Variants in ATP2B2 observed in about 807,000 individuals in gnomAD.
The protein encoded by ATP2B2 is plasma membrane calcium-transporting ATPase 2.
In ATP2B2, 15 loss-of-function variants were observed where a neutral mutation model predicts 120.0. That is an observed-to-expected ratio of 0.12 (90% CI 0.08 to 0.19). ATP2B2 has a LOEUF of 0.19. Ranked by LOEUF, ATP2B2 falls within the 10% of genes least tolerant of loss-of-function variation. The pLI is 1.00. For missense variants in ATP2B2, 1,045 were observed against 1,719.8 expected, an observed-to-expected ratio of 0.61 and a Z score of 6.94; for synonymous variants, 694 against 700.3, an observed-to-expected ratio of 0.99 and a Z score of 0.14.
At chr3:10,450,543 G>GGT (rs1559354165) in intron 1 of ATP2B2, among the ~76,000 whole-genome samples, 2 of 152,144 alleles carry the variant, frequency 1.3e-5, no homozygotes, top group Admixed American at 6.5e-5. Flanking sequence ...TGCACCCACA[G>GGT]GCCCCCACCA....
chr3:10,423,980 C>T (rs542807603), intron 2 of ATP2B2, among the ~76,000 whole-genome samples: 8 of 152,276 alleles, frequency 5.3e-5, no homozygotes, highest in African/African-American at 1.2e-4. Flanking sequence ...TGTTACCCCC[C>T]GCAGTGCATC....
intron 14 of ATP2B2, among the ~76,000 whole-genome samples, chr3:10,357,549 G>C (rs934323324): frequency 6.6e-6 from 1 of 152,208 alleles, no homozygotes; most frequent in African/African-American, 2.4e-5. Context: ...GAGGCTCAGA[G>C]AGGAGTAGCA....
chr3:10,332,113 C>T (rs1384130227), intron 22 of ATP2B2: 21 of 1,347,070 alleles, frequency 1.6e-5, no homozygotes, highest in Non-Finnish European at 1.8e-5. Context: ...GCCATTTTCT[C>T]GCCAACCCAA....
At chr3:10,585,986 G>C (rs2068502269) in intron 2 of ATP2B2, among the ~76,000 whole-genome samples, 1 of 152,176 alleles carries the variant, frequency 6.6e-6, no homozygotes, top group Admixed American at 6.5e-5. Context: ...GCAAATAGTA[G>C]GTTTTCAATA....
chr3:10,544,660 C>G (rs1397668203), intron 2 of ATP2B2, among the ~76,000 whole-genome samples: 1 of 152,210 alleles, frequency 6.6e-6, no homozygotes, highest in African/African-American at 2.4e-5. Context: ...ATGCTTCTGC[C>G]TCTTTGAAGG....
intron 2 of ATP2B2, among the ~76,000 whole-genome samples, chr3:10,576,041 C>A (rs1178266183): frequency 2.6e-5 from 4 of 152,202 alleles, no homozygotes; most frequent in African/African-American, 7.2e-5. Flanking sequence ...ACCGCAAATG[C>A]TGCTAACGTG....
intron 1 of ATP2B2, among the ~76,000 whole-genome samples, chr3:10,465,853 C>T (rs1431103429): frequency 6.6e-6 from 1 of 152,208 alleles, no homozygotes; most frequent in East Asian, 1.9e-4. Flanking sequence ...GTGGCTGACC[C>T]AGATCCTGAT....
chr3:10,634,561 C>A (rs2069966920), intron 1 of ATP2B2, among the ~76,000 whole-genome samples: 1 of 152,240 alleles, frequency 6.6e-6, no homozygotes, highest in Non-Finnish European at 1.5e-5. Context: ...TTCTCTGTGG[C>A]CTTGAGAAAA....
At chr3:10,376,848 A>G (rs1174535097) in intron 10 of ATP2B2, among the ~76,000 whole-genome samples, 2 of 270 alleles carry the variant, frequency 7.4e-3, no homozygotes, top group Non-Finnish European at 0.015. Flanking sequence ...AGGTTTGAGC[A>G]GAGGAGGGCA....
At chr3:10,443,548 AAGCTGCCG>A (rs2063738756) in intron 2 of ATP2B2, among the ~76,000 whole-genome samples, 1 of 143,782 alleles carries the variant, frequency 7.0e-6, no homozygotes, top group African/African-American at 3.0e-5. Flanking sequence ...TGTTAACCCG[AAGCTGCCG>A]GAGCCCCCAT....
At chr3:10,516,988 C>T (rs1374851213) in intron 3 of ATP2B2, among the ~76,000 whole-genome samples, 1 of 148,678 alleles carries the variant, frequency 6.7e-6, no homozygotes, top group African/African-American at 2.6e-5. Context: ...GTGTGTGTTT[C>T]TTAAAAAAAG....
chr3:10,510,984 G>T (rs942535421), intron 3 of ATP2B2, among the ~76,000 whole-genome samples: 32 of 152,066 alleles, frequency 2.1e-4, no homozygotes, highest in African/African-American at 7.2e-4. Context: ...CCCTTCTTTG[G>T]CTCCTTTGTG....
intron 18 of ATP2B2, among the ~76,000 whole-genome samples, chr3:10,344,455 C>T (rs749671589): frequency 6.6e-6 from 1 of 152,238 alleles, no homozygotes; most frequent in African/African-American, 2.4e-5. Context: ...ATTCCCCCAG[C>T]GCAGGAAGCA....
At chr3:10,630,947 G>A (rs532573733) in intron 1 of ATP2B2, among the ~76,000 whole-genome samples, 25 of 152,232 alleles carry the variant, frequency 1.6e-4, no homozygotes, top group African/African-American at 5.3e-4. Flanking sequence ...TACTTCCTCG[G>A]GTAGAGAAAG....
chr3:10,529,306 C>A, intron 3 of ATP2B2, among the ~76,000 whole-genome samples: 1 of 152,238 alleles, frequency 6.6e-6, no homozygotes, highest in East Asian at 1.9e-4. Context: ...CCCTATCCAA[C>A]AACAGCCAGT....
chr3:10,679,445 A>T (rs1401015864), intron 1 of ATP2B2, among the ~76,000 whole-genome samples: 2 of 152,286 alleles, frequency 1.3e-5, no homozygotes, highest in East Asian at 3.9e-4. Flanking sequence ...TTCAGTACGA[A>T]TGTTCTGATA....
At chr3:10,405,669 C>A (rs540961067) in intron 3 of ATP2B2, among the ~76,000 whole-genome samples, 3 of 152,132 alleles carry the variant, frequency 2.0e-5, no homozygotes, top group Non-Finnish European at 2.9e-5. Flanking sequence ...CCTGGACCTG[C>A]GGCTATAGAG....
intron 7 of ATP2B2, among the ~76,000 whole-genome samples, chr3:10,386,148 G>T (rs1026550670): frequency 6.6e-6 from 1 of 152,206 alleles, no homozygotes; most frequent in Admixed American, 6.5e-5. Context: ...TGCTGGTGGG[G>T]AGAGCAGGGC....
chr3:10,425,519 A>T (rs1342313609), intron 2 of ATP2B2, among the ~76,000 whole-genome samples: 3 of 152,026 alleles, frequency 2.0e-5, no homozygotes, highest in African/African-American at 7.2e-5. Flanking sequence ...CCTCCTCTGT[A>T]CCATAAGCTG....
Sources: gnomAD v4.1 joint callset for allele counts (sites outside exome capture counted in the v4.1 genomes callset) on GRCh38, gnomAD v4.1.1 for gene constraint, MANE v1.5 for transcripts, NCBI Gene and HGNC (gene_info 2026-07-23, HGNC 2026-07-21) for gene names.